The following SPTLC3 variants were observed in gnomAD, a reference collection of about 807,000 sequenced individuals.
SPTLC3 encodes the protein serine palmitoyltransferase 3.
In SPTLC3, 36 loss-of-function variants were observed where a neutral mutation model predicts 59.3. The observed-to-expected ratio is 0.61, with a 90% CI of 0.47 to 0.80. The LOEUF (loss-of-function observed/expected upper bound fraction) is 0.80, where lower values mean the gene tolerates loss of function less well. Among genes scored for constraint, SPTLC3 ranks in the 30% least tolerant of loss-of-function variants. SPTLC3 has a pLI of 0.00. For missense variants in SPTLC3, 625 were observed against 685.1 expected (o/e 0.91, Z 0.98); for synonymous variants, 257 against 240.8 (o/e 1.07, Z -0.62).
intron 8 of SPTLC3, among the ~76,000 whole-genome samples, chr20:13,122,230 C>G (rs1010937939): frequency 6.6e-6 from 1 of 152,242 alleles, no homozygotes; most frequent in Non-Finnish European, 1.5e-5. Context: ...CATCCCTGCT[C>G]TCAAGGAAGT....
At chr20:13,019,832 A>G (rs1449967807) in intron 1 of SPTLC3, among the ~76,000 whole-genome samples, 2 of 152,186 alleles carry the variant, frequency 1.3e-5, no homozygotes, top group African/African-American at 4.8e-5. Context: ...AGTCTTAATT[A>G]TTCTCTTACC....
intron 6 of SPTLC3, among the ~76,000 whole-genome samples, chr20:13,094,806 T>A (rs1989356060): frequency 6.6e-6 from 1 of 152,172 alleles, no homozygotes; most frequent in South Asian, 2.1e-4. Context: ...TATGTGAAGA[T>A]GAACAGTTAG....
Position 13,152,120 on chromosome 20 carries a change from G to A in SPTLC3, c.1280-1883G>A, listed in dbSNP as rs911032569. 5.9e-5 allele frequency among the ~76,000 whole-genome samples: 9 copies of A among 152,252 alleles called. 1 individual carries two copies. Among genetic ancestry groups the A allele is most frequent in the African/African-American group, 2.2e-4 (9 of 41,552 alleles). ...GGAGGGGCTAACAACACAGATTCTG[G>A]AATCTAGGATTCTAGAATCCAATTC... On this transcript the variant is annotated intron_variant, in intron 9 of 11. Transcript: ENST00000399002.
chr20:13,108,869 C>T (rs1482869731), intron 6 of SPTLC3, among the ~76,000 whole-genome samples: 1 of 152,184 alleles, frequency 6.6e-6, no homozygotes, highest in Admixed American at 6.5e-5. Flanking sequence ...GCCTGGTGAA[C>T]ATTGCATAAC....
At chr20:13,090,331 A>T (rs1989169784) in intron 4 of SPTLC3, among the ~76,000 whole-genome samples, 1 of 152,236 alleles carries the variant, frequency 6.6e-6, no homozygotes, top group Non-Finnish European at 1.5e-5. Flanking sequence ...TTCTAAGATT[A>T]AATGAGAGAA....
intron 9 of SPTLC3, among the ~76,000 whole-genome samples, chr20:13,133,562 C>T (rs1361160942): frequency 5.9e-5 from 9 of 152,202 alleles, no homozygotes; most frequent in East Asian, 3.9e-4. Context: ...GGCAAAACCC[C>T]GTCTCTACTA....
rs112596263 is a variant in SPTLC3 at position 13,145,277 on chromosome 20, G to A, written c.1280-8726G>A. On this transcript the variant is annotated intron_variant, in intron 9 of 11. Coordinates refer to ENST00000399002, the MANE Select transcript of SPTLC3 (RefSeq NM_018327.4). Reference sequence around the variant, plus strand: ...CCCCAAAGCCCCTCAGCTGATAAACGACTTCAGCAAAGTTGCAGGAAACAA... The same window carrying A: ...CCCCAAAGCCCCTCAGCTGATAAACAACTTCAGCAAAGTTGCAGGAAACAA... Among the ~76,000 whole-genome samples the A allele has an allele frequency of 5.9e-5, 9 of 152,142 alleles. 1 individual carries two copies. In the South Asian group the frequency reaches 6.2e-4, roughly 11 times the overall value.
chr20:13,127,738 T>C (rs1387405284), intron 9 of SPTLC3, among the ~76,000 whole-genome samples: 1 of 152,210 alleles, frequency 6.6e-6, no homozygotes, highest in East Asian at 1.9e-4. Flanking sequence ...AAGACAAGAC[T>C]TTTTCTTTTT....
chr20:13,113,924 A>G (rs1990387500), intron 7 of SPTLC3, among the ~76,000 whole-genome samples: 4 of 152,194 alleles, frequency 2.6e-5, no homozygotes, highest in Admixed American at 2.6e-4. Context: ...AACATTTCCC[A>G]TGTGCAGCCT....
At chr20:13,105,243 C>T (rs1989817845) in intron 6 of SPTLC3, among the ~76,000 whole-genome samples, 1 of 150,558 alleles carries the variant, frequency 6.6e-6, no homozygotes, top group African/African-American at 2.5e-5. Flanking sequence ...TCTAAGAGGT[C>T]GGAGAGTTCA....
At chr20:13,088,843 C>G (rs62203587) in intron 4 of SPTLC3, among the ~76,000 whole-genome samples, 2 of 143,368 alleles carry the variant, frequency 1.4e-5, no homozygotes, top group East Asian at 2.0e-4. Flanking sequence ...GTTGGCCAGG[C>G]TGGTCTTGAA....
chr20:13,047,275 G>A (rs1987272938), intron 1 of SPTLC3, among the ~76,000 whole-genome samples: 1 of 152,280 alleles, frequency 6.6e-6, no homozygotes, highest in East Asian at 1.9e-4. Flanking sequence ...TAGAGGGAAT[G>A]AAGATAATAT....
At chr20:13,097,985 T>C (rs898895720) in intron 6 of SPTLC3, among the ~76,000 whole-genome samples, 1 of 152,158 alleles carries the variant, frequency 6.6e-6, no homozygotes, top group Non-Finnish European at 1.5e-5. Flanking sequence ...TGTATCAACA[T>C]TAAAAATACT....
At chr20:13,047,912 A>G (rs1325475663) in intron 1 of SPTLC3, among the ~76,000 whole-genome samples, 1 of 152,190 alleles carries the variant, frequency 6.6e-6, no homozygotes, top group African/African-American at 2.4e-5. Flanking sequence ...AGAGAACTAC[A>G]GCTATTATAA....
In SPTLC3 at chr20:13,048,929, TC is replaced by T; in HGVS notation, c.118-15del. The T allele has an allele frequency of 6.5e-7, 1 of 1,535,450 alleles. No homozygotes were observed. Among genetic ancestry groups the T allele is most frequent in the Non-Finnish European group, 8.7e-7 (1 of 1,147,078 alleles). On this transcript the variant is annotated splice_polypyrimidine_tract_variant and intron_variant, in intron 1 of 11. Coordinates refer to ENST00000399002, the MANE Select transcript of SPTLC3 (RefSeq NM_018327.4). Reference sequence around the variant, plus strand: ...ACAGGAGAATGCTAACCTTGGATTTTCTTTTGTGTTTTCAGCAAAATGGGAA... The same window carrying T: ...ACAGGAGAATGCTAACCTTGGATTTTTTTTGTGTTTTCAGCAAAATGGGAA...
intron 8 of SPTLC3, among the ~76,000 whole-genome samples, chr20:13,121,228 A>G (rs1232452141): frequency 6.6e-6 from 1 of 152,090 alleles, no homozygotes; most frequent in Middle Eastern, 3.2e-3. Flanking sequence ...GAATGAAGCG[A>G]TGGTAGCCCT....
intron 1 of SPTLC3, among the ~76,000 whole-genome samples, chr20:13,044,104 CTT>C (rs61675971): frequency 2.8e-4 from 36 of 127,826 alleles, no homozygotes; most frequent in East Asian, 1.1e-3. Context: ...TCTTTTTTTT[CTT>C]TTTTTTTTTT....
intron 2 of SPTLC3, 138 bp from the exon 3 acceptor site, chr20:13,072,118 A>G: frequency 1.1e-6 from 1 of 887,228 alleles, no homozygotes; most frequent in Non-Finnish European, 1.7e-6. Context: ...TACTTCCCTC[A>G]CCTACTGACC....
chr20:13,086,916 G>T (rs3848776), intron 4 of SPTLC3, among the ~76,000 whole-genome samples: 10,746 of 151,998 alleles, frequency 0.071, 402 homozygotes, highest in Admixed American at 0.085. Context: ...CAGCCTCCCA[G>T]ATAGCTAGGA....
Sources: allele counts gnomAD v4.1 joint callset (sites outside exome capture counted in the v4.1 genomes callset), GRCh38; gene constraint gnomAD v4.1.1; transcripts MANE v1.5; gene names NCBI Gene and HGNC (gene_info 2026-07-23, HGNC 2026-07-21).